Variants in ACOT11 observed in about 807,000 individuals in gnomAD.
The protein encoded by ACOT11 is acyl-coenzyme A thioesterase 11.
ACOT11 carries 69 observed loss-of-function variants against 77.5 expected under a neutral mutation model. That is an observed-to-expected ratio of 0.89 (90% CI 0.73 to 1.09). The LOEUF is 1.09. ACOT11 is among the 50% of genes least tolerant of loss of function. The probability of loss-of-function intolerance (pLI) is 0.00; values close to 1 mark genes in which losing one functional copy is unlikely to be tolerated. For missense variants in ACOT11, 766 were observed against 813.7 expected (o/e 0.94, Z 0.71); for synonymous variants, 279 against 313.0 (o/e 0.89, Z 1.15).
downstream of ACOT11, chr1:54,610,687 T>C: frequency 7.0e-7 from 1 of 1,428,588 alleles, no homozygotes; most frequent in South Asian, 1.5e-5. Context: ...CAAGTAGCTC[T>C]CATTTCCTTG....
Position 54,599,390 on chromosome 1 carries a change from A to G in ACOT11, c.859A>G (p.Ile287Val), listed in dbSNP as rs898502432. The G allele has an allele frequency of 1.7e-5, 27 of 1,606,174 alleles. No individual in the cohort carries two copies. The highest frequency in any genetic ancestry group is 3.3e-5 in the Admixed American group (2 of 59,724). Reference sequence around the variant, plus strand: ...CGGCGACCGTCTGGTGCTCAAAGCCATCGTGAACAATGCCTTCAAACATAG... The same window carrying G: ...CGGCGACCGTCTGGTGCTCAAAGCCGTCGTGAACAATGCCTTCAAACATAG... ...QVGDRLVLKA[I>V]VNNAFKHSME... The change falls in exon 8 of 16, where the codon ATC becomes GTC. Residue 287 changes from isoleucine to valine, a missense_variant. Transcript: ENST00000343744.
intron 15 of ACOT11, among the ~76,000 whole-genome samples, chr1:54,624,049 GC>G (rs1281083750): frequency 6.6e-6 from 1 of 152,174 alleles, no homozygotes; most frequent in Non-Finnish European, 1.5e-5. Context: ...GTTACTGCAG[GC>G]CGGTTCTGGG....
chr1:54,554,349 A>ATTTTT (rs1305967505), intron 1 of ACOT11, among the ~76,000 whole-genome samples: 3 of 79,142 alleles, frequency 3.8e-5, no homozygotes, highest in Admixed American at 1.4e-4. Flanking sequence ...ATATATATAT[A>ATTTTT]TATTTTTTTT....
At chr1:54,562,573 G>T (rs1653570021) in intron 1 of ACOT11, among the ~76,000 whole-genome samples, 1 of 148,352 alleles carries the variant, frequency 6.7e-6, no homozygotes, top group South Asian at 2.2e-4. Flanking sequence ...TCCCGGACGG[G>T]GTGGCTGCCG....
intron 15 of ACOT11, among the ~76,000 whole-genome samples, chr1:54,619,074 A>G (rs1309088595): frequency 6.6e-6 from 1 of 152,116 alleles, no homozygotes; most frequent in Non-Finnish European, 1.5e-5. Flanking sequence ...CTTGTCTGAA[A>G]TGGAAGGAGT....
chr1:54,597,741 A>C, intron 7 of ACOT11: 1 of 303,224 alleles, frequency 3.3e-6, no homozygotes, highest in Non-Finnish European at 6.2e-6. Context: ...ACATCAAACC[A>C]TTTGCTGTTC....
chr1:54,562,258 A>G (rs61776806), intron 1 of ACOT11, among the ~76,000 whole-genome samples: 24 of 85,324 alleles, frequency 2.8e-4, no homozygotes, highest in South Asian at 5.1e-4. Flanking sequence ...GCGGCTGGCC[A>G]GGCGGGGGGC....
At chr1:54,578,851 A>G (rs914720401) in intron 1 of ACOT11, among the ~76,000 whole-genome samples, 1 of 151,998 alleles carries the variant, frequency 6.6e-6, no homozygotes, top group African/African-American at 2.4e-5. Flanking sequence ...TCTTGAAAAA[A>G]AAAAGAATTG....
At chr1:54,630,972 CA>C in intron 16 of ACOT11, 2 of 538,182 alleles carry the variant, frequency 3.7e-6, no homozygotes, top group East Asian at 6.2e-5. Flanking sequence ...AACTTTTTCA[CA>C]CTGATAACGA....
intron 1 of ACOT11, among the ~76,000 whole-genome samples, chr1:54,583,325 C>T (rs569507965): frequency 2.7e-4 from 41 of 152,248 alleles, no homozygotes; most frequent in Non-Finnish European, 5.0e-4. Context: ...GGCTGTACCA[C>T]ATGGGGGTCA....
chr1:54,628,590 A>T (rs1569814531), intron 15 of ACOT11, among the ~76,000 whole-genome samples: 1 of 86,032 alleles, frequency 1.2e-5, no homozygotes, highest in African/African-American at 3.9e-5. Flanking sequence ...GCAAGACCCC[A>T]TCGCCCCCCC....
At chr1:54,567,896 A>G (rs1480051820) in intron 1 of ACOT11, among the ~76,000 whole-genome samples, 1 of 152,126 alleles carries the variant, frequency 6.6e-6, no homozygotes, top group African/African-American at 2.4e-5. Context: ...ACAGCAGCAG[A>G]GTGATCTTAC....
chr1:54,573,262 C>T (rs1653985869), intron 1 of ACOT11: 6 of 984,746 alleles, frequency 6.1e-6, no homozygotes, highest in Middle Eastern at 5.2e-4. Context: ...TTAGCTTTTG[C>T]GGTAAGCAGA....
At chr1:54,637,584 A>T (rs1014346408) in exon 17 of ACOT11, 3 of 152,126 alleles carry the variant, frequency 2.0e-5, no homozygotes, top group Non-Finnish European at 4.4e-5. Flanking sequence ...GGAGTTCGAG[A>T]CCAGTCTGGC....
intron 15 of ACOT11, among the ~76,000 whole-genome samples, chr1:54,622,275 CAAAAAAAAAAAAA>C (rs34730286): frequency 2.2e-5 from 1 of 45,932 alleles, no homozygotes; most frequent in African/African-American, 9.0e-5. Context: ...GACTCTGTCT[CAAAAAAAAAAAAA>C]AAAAAAAAAA....
chr1:54,592,688 A>T (rs1654753418), intron 4 of ACOT11, 82 bp downstream of exon 4: 1 of 1,450,080 alleles, frequency 6.9e-7, no homozygotes, highest in African/African-American at 1.4e-5. Context: ...CCTGCAGCCC[A>T]GGGCCACTCA....
intron 15 of ACOT11, among the ~76,000 whole-genome samples, chr1:54,618,715 T>G (rs2101023234): frequency 6.6e-6 from 1 of 152,130 alleles, no homozygotes; most frequent in East Asian, 1.9e-4. Flanking sequence ...TCAATAGCCC[T>G]CCTTGTGCCA....
At chr1:54,612,589 C>G (rs144804206), downstream of ACOT11, 11 of 1,613,984 alleles carry the variant, frequency 6.8e-6, no homozygotes, top group African/African-American at 1.3e-5. Flanking sequence ...CCCACCAGCT[C>G]GTGCATCTTC....
At chr1:54,624,988 G>A (rs1644263070) in intron 15 of ACOT11, among the ~76,000 whole-genome samples, 1 of 152,058 alleles carries the variant, frequency 6.6e-6, no homozygotes, top group Non-Finnish European at 1.5e-5. Context: ...GGAGAGGTTT[G>A]AGGACAGGGA....
Sources: allele counts gnomAD v4.1 joint callset (sites outside exome capture counted in the v4.1 genomes callset), GRCh38; gene constraint gnomAD v4.1.1; transcripts MANE v1.5; gene names NCBI Gene and HGNC (gene_info 2026-07-23, HGNC 2026-07-21).